VPS13D: variants seen among roughly 807,000 people sequenced by gnomAD.
The protein encoded by VPS13D is vacuolar protein sorting 13 homolog D, also known as intermembrane lipid transfer protein VPS13D.
A neutral mutation model predicts 461.9 loss-of-function variants in VPS13D; 187 were observed. The observed-to-expected ratio is 0.40, with a 90% confidence interval of 0.36 to 0.46. The LOEUF is 0.46. Ranked by LOEUF, VPS13D falls within the 20% of genes least tolerant of loss-of-function variation. The pLI is 0.60. For synonymous variants in VPS13D, 1,951 were observed against 1,986.3 expected, an observed-to-expected ratio of 0.98 and a Z score of 0.47; for missense variants, 4,711 against 5,364.9, an observed-to-expected ratio of 0.88 and a Z score of 3.81.
At chr1:12,405,074 G>A (rs770732223) in intron 63 of VPS13D, among the ~76,000 whole-genome samples, 1 of 152,236 alleles carries the variant, frequency 6.6e-6, no homozygotes, top group South Asian at 2.1e-4. Context: ...GGGTCCTAAC[G>A]TAGATGCCCG....
intron 24 of VPS13D, among the ~76,000 whole-genome samples, chr1:12,296,266 A>G (rs1347287561): frequency 6.6e-6 from 1 of 152,312 alleles, no homozygotes; most frequent in East Asian, 1.9e-4. Context: ...CAGCTGTCTC[A>G]ATGATAGTCT....
chr1:12,373,410 C>T (rs1017711585), intron 54 of VPS13D, among the ~76,000 whole-genome samples: 12 of 151,758 alleles, frequency 7.9e-5, no homozygotes, highest in Admixed American at 3.3e-4. Flanking sequence ...CAGGAGCCAC[C>T]GTGCCTGGCC....
At chr1:12,369,425 T>C in intron 53 of VPS13D, 42 bp from the exon 54 acceptor site, 2 of 1,590,262 alleles carry the variant, frequency 1.3e-6, no homozygotes, top group Non-Finnish European at 1.7e-6. Flanking sequence ...GTAACCCCAC[T>C]CTGAATGAAA....
intron 2 of VPS13D, among the ~76,000 whole-genome samples, chr1:12,237,950 G>A (rs1318793044): frequency 6.6e-6 from 1 of 152,110 alleles, no homozygotes; most frequent in Non-Finnish European, 1.5e-5. Context: ...GAAGCCAGGA[G>A]TTCGAGACCA....
At position 12,268,794 on chromosome 1, in the gene VPS13D, A is replaced by G. The variant is rs143258193; in HGVS notation, c.1890A>G (p.Thr630=). Residue 630 remains threonine (T), a synonymous_variant, in exon 16 of 70, where the codon ACA becomes ACG. Transcript: ENST00000620676. ...SHFERRLNVS[T]RPLNIIYNPQ... is the part of the protein sequence containing the mutation. ...TTGAGAGGCGGCTCAATGTCAGCACAAGGCCCTTGAACATCATATACAATC... is the reference window on the plus strand; with the variant it reads ...TTGAGAGGCGGCTCAATGTCAGCACGAGGCCCTTGAACATCATATACAATC... The G allele has an allele frequency of 3.3e-5, 53 of 1,614,042 alleles. No individual in the cohort carries two copies. Among genetic ancestry groups the G allele is most frequent in the Non-Finnish European group, 4.3e-5 (51 of 1,180,014 alleles).
chr1:12,433,931 T>TGAGAGAGAGAGAGAGAGAGAGA (rs374176072), intron 65 of VPS13D, among the ~76,000 whole-genome samples: 46 of 126,424 alleles, frequency 3.6e-4, no homozygotes, highest in South Asian at 1.0e-3. Flanking sequence ...AGAGAGAGAG[T>TGAGAGAGAGAGAGAGAGAGAGA]GAGAGAGAGA....
At chr1:12,328,419 T>C (rs938180799) in intron 36 of VPS13D, among the ~76,000 whole-genome samples, 2 of 151,072 alleles carry the variant, frequency 1.3e-5, no homozygotes, top group Non-Finnish European at 2.9e-5. Flanking sequence ...AAGGTTGGTC[T>C]CAAACGCATG....
At chr1:12,310,707 T>A (rs1161956258) in intron 27 of VPS13D, among the ~76,000 whole-genome samples, 1 of 152,188 alleles carries the variant, frequency 6.6e-6, no homozygotes, top group Non-Finnish European at 1.5e-5. Flanking sequence ...CATGAGGTTT[T>A]CCTTATTAAT....
chr1:12,490,238 T>C (rs1645858301), intron 67 of VPS13D, among the ~76,000 whole-genome samples: 2 of 152,204 alleles, frequency 1.3e-5, no homozygotes, highest in South Asian at 4.1e-4. Flanking sequence ...TAGTCAGTAA[T>C]TCCATTTAAG....
intron 51 of VPS13D, 28 bp from the exon 52 acceptor site, chr1:12,363,044 C>G: frequency 6.2e-7 from 1 of 1,611,420 alleles, no homozygotes; most frequent in Non-Finnish European, 8.5e-7. Context: ...GACTTGTTGA[C>G]TAAAGCCTGT....
intron 2 of VPS13D, among the ~76,000 whole-genome samples, chr1:12,235,627 A>G (rs919383667): frequency 6.6e-6 from 1 of 152,154 alleles, no homozygotes; most frequent in Non-Finnish European, 1.5e-5. Flanking sequence ...TTCTGACCAA[A>G]TGATTGTGGC....
intron 40 of VPS13D, among the ~76,000 whole-genome samples, chr1:12,339,082 C>G (rs1168519943): frequency 6.6e-6 from 1 of 151,688 alleles, no homozygotes; most frequent in African/African-American, 2.4e-5. Context: ...TGTTAATACT[C>G]AGGGTACATT....
rs1641630071 is a variant in VPS13D, at chr1:12,276,849, G to GGC, written c.3261_3262insGC (p.Ser1088AlafsTer8). 6.2e-7 allele frequency: 1 copy of GGC among 1,613,994 alleles called. No homozygotes were observed. The highest frequency in any genetic ancestry group is 8.5e-7 in the Non-Finnish European group (1 of 1,180,032). On this transcript the variant is annotated frameshift_variant, in exon 19 of 70. Transcript: ENST00000620676. LOFTEE classifies it high-confidence loss of function. This position sits in a 1 kb window ranked among gnomAD's most constrained non-coding sequence, Gnocchi z 4.5. ...TTATTAAGTTGGAATATCAGTTTGT[G>GGC]AGTTCAGAGTGCCCATCGATGAATT...
intron 67 of VPS13D, among the ~76,000 whole-genome samples, chr1:12,476,933 A>G (rs1395171106): frequency 1.3e-5 from 2 of 152,244 alleles, no homozygotes; most frequent in African/African-American, 2.4e-5. Flanking sequence ...GTTCAGAAAT[A>G]CATAGCTTAA....
chr1:12,286,023 C>CTCTCG (rs1260861470), intron 21 of VPS13D, among the ~76,000 whole-genome samples: 2 of 145,082 alleles, frequency 1.4e-5, no homozygotes, highest in African/African-American at 5.2e-5. Flanking sequence ...CTCTCCTCTC[C>CTCTCG]TCCTCTCCCC....
chr1:12,253,113 G>A (rs1227830425), intron 6 of VPS13D, among the ~76,000 whole-genome samples: 4 of 150,496 alleles, frequency 2.7e-5, no homozygotes, highest in Non-Finnish European at 3.0e-5. Flanking sequence ...AGCCGAGATC[G>A]TGCCGTTGTA....
intron 1 of VPS13D, among the ~76,000 whole-genome samples, 184 bp downstream of exon 1, chr1:12,230,304 C>T (rs932572426): frequency 2.6e-5 from 4 of 152,078 alleles, no homozygotes; most frequent in Non-Finnish European, 5.9e-5. Flanking sequence ...TCGGGGTAAC[C>T]CTGGGCGTCT....
At chr1:12,405,966 C>A (rs923366469) in intron 63 of VPS13D, among the ~76,000 whole-genome samples, 1 of 152,228 alleles carries the variant, frequency 6.6e-6, no homozygotes, top group Non-Finnish European at 1.5e-5. Context: ...CAGCCCCCCC[C>A]AGTTACATGA....
At chr1:12,488,877 A>G (rs565145903) in intron 67 of VPS13D, among the ~76,000 whole-genome samples, 2 of 152,340 alleles carry the variant, frequency 1.3e-5, no homozygotes, top group Non-Finnish European at 1.5e-5. Flanking sequence ...TCCAATAAGC[A>G]CTACACTCTC....
Sources: allele counts gnomAD v4.1 joint callset (sites outside exome capture counted in the v4.1 genomes callset), GRCh38; gene constraint gnomAD v4.1.1; non-coding constraint Gnocchi (gnomAD v3.1); transcripts MANE v1.5; gene names NCBI Gene and HGNC (gene_info 2026-07-23, HGNC 2026-07-21).